PRDM2: variants seen among roughly 807,000 people sequenced by gnomAD.
The protein encoded by PRDM2 is PR/SET domain 2, also known as PR domain zinc finger protein 2.
PRDM2 carries 30 observed loss-of-function variants against 130.0 expected under a neutral mutation model. That is an observed-to-expected ratio of 0.23 (90% CI 0.17 to 0.31). The LOEUF (loss-of-function observed/expected upper bound fraction) is 0.31. PRDM2 is among the 10% of genes least tolerant of loss of function. The pLI, the probability that PRDM2 is intolerant of heterozygous loss-of-function variation, is 1.00. For synonymous variants in PRDM2, 871 were observed against 782.4 expected, an observed-to-expected ratio of 1.11 and a Z score of -1.89; for missense variants, 2,011 against 2,108.4, an observed-to-expected ratio of 0.95 and a Z score of 0.90.
At chr1:13,783,359 T>C (rs890324767) in intron 8 of PRDM2, among the ~76,000 whole-genome samples, 2 of 152,332 alleles carry the variant, frequency 1.3e-5, no homozygotes, top group African/African-American at 4.8e-5. Flanking sequence ...AAACAAAACA[T>C]AGTCCTTTAA....
At chr1:13,791,410 A>C (rs941991721) in intron 8 of PRDM2, among the ~76,000 whole-genome samples, 7 of 152,216 alleles carry the variant, frequency 4.6e-5, no homozygotes, top group African/African-American at 1.7e-4. Flanking sequence ...GTGACTGTTT[A>C]ACAGAAGCCA....
At chr1:13,749,916 G>C (rs1643763356) in intron 6 of PRDM2, among the ~76,000 whole-genome samples, 1 of 152,140 alleles carries the variant, frequency 6.6e-6, no homozygotes, top group South Asian at 2.1e-4. Flanking sequence ...CGGCTCCGCA[G>C]ACTCGGGCCC....
intron 8 of PRDM2, among the ~76,000 whole-genome samples, chr1:13,814,032 A>G (rs1334966229): frequency 6.6e-6 from 1 of 152,066 alleles, no homozygotes; most frequent in African/African-American, 2.4e-5. Context: ...TTGCTACACC[A>G]CTGTAGACAT....
intron 2 of PRDM2, among the ~76,000 whole-genome samples, chr1:13,727,585 C>T (rs754651389): frequency 9.9e-5 from 15 of 152,148 alleles, no homozygotes; most frequent in Non-Finnish European, 1.6e-4. Flanking sequence ...CGCCACTGAT[C>T]GGAAGGCATG....
chr1:13,812,474 G>A (rs1489167382), intron 8 of PRDM2, among the ~76,000 whole-genome samples: 7 of 152,212 alleles, frequency 4.6e-5, no homozygotes. Context: ...GGCTTTAGTT[G>A]TAACAACAAC....
chr1:13,712,663 A>G (rs1419925703), intron 1 of PRDM2, among the ~76,000 whole-genome samples: 2 of 152,222 alleles, frequency 1.3e-5, no homozygotes, highest in African/African-American at 4.8e-5. Context: ...AGGCTGAGGC[A>G]GGAGAATTGC....
At position 13,803,784 on chromosome 1, in the gene PRDM2, C is replaced by T. The variant is rs1170635596; in HGVS notation, c.5037-12643C>T. Among the ~76,000 whole-genome samples the T allele has an allele frequency of 3.9e-5, 6 of 152,264 alleles. No individual in the cohort carries two copies. Among genetic ancestry groups the T allele is most frequent in the East Asian group, 1.9e-4 (1 of 5,168 alleles). On this transcript the variant is annotated intron_variant, in intron 8 of 9. Coordinates refer to ENST00000311066, the MANE Select transcript of PRDM2 (RefSeq NM_001393986.1). This position sits in a 1 kb window ranked among gnomAD's most constrained non-coding sequence, Gnocchi z 6.2. ...TCCCTATCAACTGGGTCATGTGTTA[C>T]GAGCTTCTCACATGCTGGGTATTTA... is the stretch of plus-strand genomic sequence containing the variant.
chr1:13,774,085 A>G (rs1644418367), intron 7 of PRDM2, among the ~76,000 whole-genome samples: 1 of 152,136 alleles, frequency 6.6e-6, no homozygotes, highest in African/African-American at 2.4e-5. Flanking sequence ...TGTCCCCTTA[A>G]AATTTTCTCC....
chr1:13,751,340 T>C (rs528634712), intron 6 of PRDM2, among the ~76,000 whole-genome samples: 13 of 152,342 alleles, frequency 8.5e-5, no homozygotes, highest in Admixed American at 3.3e-4. Flanking sequence ...AAAAGACTTA[T>C]GTTTATGCAG....
chr1:13,744,103 A>C (rs1266480031), intron 5 of PRDM2, among the ~76,000 whole-genome samples: 2 of 152,206 alleles, frequency 1.3e-5, no homozygotes, highest in Admixed American at 6.5e-5. Flanking sequence ...ATGCAAGCTC[A>C]TGTAGATATT....
chr1:13,748,436 C>T (rs1284436551), intron 5 of PRDM2, among the ~76,000 whole-genome samples: 1 of 152,162 alleles, frequency 6.6e-6, no homozygotes, highest in East Asian at 1.9e-4. Flanking sequence ...TTCATTCCTT[C>T]CTTTCTTCAT....
At chr1:13,729,776 G>C (rs894463189) in intron 2 of PRDM2, among the ~76,000 whole-genome samples, 1 of 152,084 alleles carries the variant, frequency 6.6e-6, no homozygotes, top group Non-Finnish European at 1.5e-5. Flanking sequence ...CAGTTGGCTC[G>C]GCTCTGCACG....
chr1:13,800,905 G>A (rs1443858826), intron 8 of PRDM2, among the ~76,000 whole-genome samples: 2 of 152,162 alleles, frequency 1.3e-5, no homozygotes, highest in African/African-American at 4.8e-5. Context: ...CCAGCTATAC[G>A]AAGTTGGCGT....
At chr1:13,820,530 A>G (rs1013232626) in intron 9 of PRDM2, among the ~76,000 whole-genome samples, 11 of 152,182 alleles carry the variant, frequency 7.2e-5, no homozygotes, top group Admixed American at 7.2e-4. Flanking sequence ...GGCCCAGGGA[A>G]GGGACAGCCT....
chr1:13,808,380 C>T (rs1439567314), intron 8 of PRDM2, among the ~76,000 whole-genome samples: 4 of 148,284 alleles, frequency 2.7e-5, no homozygotes, highest in South Asian at 4.3e-4. Flanking sequence ...AGGAGAATGG[C>T]GTGAACACGG....
At chr1:13,790,369 C>T (rs1307220017) in intron 8 of PRDM2, among the ~76,000 whole-genome samples, 1 of 152,038 alleles carries the variant, frequency 6.6e-6, no homozygotes, top group African/African-American at 2.4e-5. Flanking sequence ...GTGCATCTGG[C>T]GTTGGGGCAT....
intron 2 of PRDM2, among the ~76,000 whole-genome samples, chr1:13,720,586 G>C (rs1642692333): frequency 6.6e-6 from 1 of 152,108 alleles, no homozygotes; most frequent in African/African-American, 2.4e-5. Flanking sequence ...CTATTCTACA[G>C]GGCAGAATCA....
intron 6 of PRDM2, among the ~76,000 whole-genome samples, chr1:13,766,000 G>A (rs760583318): frequency 1.4e-4 from 21 of 152,168 alleles, no homozygotes; most frequent in South Asian, 2.1e-4. Context: ...CTGCTGTCAC[G>A]AAAGACACCT....
intron 6 of PRDM2, among the ~76,000 whole-genome samples, chr1:13,765,929 G>A (rs1644216432): frequency 6.6e-6 from 1 of 151,906 alleles, no homozygotes; most frequent in African/African-American, 2.4e-5. Flanking sequence ...ATCTTGCTTT[G>A]AGAACTCTAA....
Sources: gnomAD v4.1 joint callset for allele counts (sites outside exome capture counted in the v4.1 genomes callset) on GRCh38, gnomAD v4.1.1 for gene constraint, Gnocchi (gnomAD v3.1) non-coding constraint, MANE v1.5 for transcripts, NCBI Gene and HGNC (gene_info 2026-07-23, HGNC 2026-07-21) for gene names.